The following MEMO1 variants were observed in gnomAD, a reference collection of about 807,000 sequenced individuals.
MEMO1 encodes the protein mediator of cell motility 1.
Under a neutral mutation model 45.2 loss-of-function variants are expected in MEMO1, and 6 were observed. That is an observed-to-expected ratio of 0.13 (90% CI 0.07 to 0.26). MEMO1 has a LOEUF of 0.26. Among genes scored for constraint, MEMO1 ranks in the 10% least tolerant of loss-of-function variants. MEMO1 has a pLI of 1.00. For missense variants in MEMO1, 184 were observed against 370.5 expected (o/e 0.50, Z 4.13); for synonymous variants, 78 against 124.3 (o/e 0.63, Z 2.48).
chr2:31,896,715 T>C (rs757316931), intron 6 of MEMO1, among the ~76,000 whole-genome samples: 3 of 152,110 alleles, frequency 2.0e-5, no homozygotes, highest in Admixed American at 6.5e-5. Context: ...ATTAAGAAAA[T>C]GAAAACTCAA....
intron 2 of MEMO1, among the ~76,000 whole-genome samples, chr2:31,955,888 G>A (rs979650007): frequency 2.0e-5 from 3 of 152,138 alleles, no homozygotes; most frequent in South Asian, 2.1e-4. Context: ...TAGTACAGGC[G>A]TGAGCCACCA....
intron 2 of MEMO1, 56 bp from the exon 3 acceptor site, chr2:31,943,439 CAT>C (rs1665846425): frequency 1.6e-6 from 2 of 1,248,546 alleles, no homozygotes; most frequent in African/African-American, 1.5e-5. Context: ...TACAGATAAA[CAT>C]ATGTGGCATA....
intron 4 of MEMO1, among the ~76,000 whole-genome samples, chr2:31,925,841 G>C (rs1417021928): frequency 6.6e-6 from 1 of 152,010 alleles, no homozygotes; most frequent in Non-Finnish European, 1.5e-5. Flanking sequence ...ATTAAATCTT[G>C]ACTCTCGAGT....
chr2:31,988,960 A>G (rs1382961048), intron 2 of MEMO1, among the ~76,000 whole-genome samples: 1 of 152,004 alleles, frequency 6.6e-6, no homozygotes, highest in African/African-American at 2.4e-5. Context: ...TAATCCCAGC[A>G]CTTTGAGAGG....
At chr2:31,931,758 C>T (rs993488982) in intron 4 of MEMO1, among the ~76,000 whole-genome samples, 9 of 152,052 alleles carry the variant, frequency 5.9e-5, no homozygotes, top group Non-Finnish European at 7.4e-5. Context: ...GATCAGAGGG[C>T]TTTGCATTTT....
At chr2:31,970,351 C>T (rs1356306532) in intron 2 of MEMO1, among the ~76,000 whole-genome samples, 2 of 152,140 alleles carry the variant, frequency 1.3e-5, no homozygotes, top group Non-Finnish European at 2.9e-5. Context: ...ACGTTTGCTA[C>T]AGTAATCTTA....
intron 8 of MEMO1, among the ~76,000 whole-genome samples, chr2:31,882,110 C>T (rs193265004): frequency 1.3e-5 from 2 of 151,856 alleles, no homozygotes; most frequent in Admixed American, 6.6e-5. Context: ...CACCACTGCA[C>T]GCCAGCCTGG....
chr2:31,948,335 T>C (rs939490039), intron 2 of MEMO1, among the ~76,000 whole-genome samples: 2 of 152,190 alleles, frequency 1.3e-5, no homozygotes, highest in African/African-American at 4.8e-5. Flanking sequence ...GCCACAACTT[T>C]TTCCATTTTT....
At chr2:31,938,225 G>C (rs1356215641) in intron 3 of MEMO1, among the ~76,000 whole-genome samples, 1 of 151,908 alleles carries the variant, frequency 6.6e-6, no homozygotes, top group Non-Finnish European at 1.5e-5. Flanking sequence ...ATATAAAAAT[G>C]AACAATATTT....
chr2:31,954,609 G>A (rs1473744769), intron 2 of MEMO1, among the ~76,000 whole-genome samples: 1 of 152,144 alleles, frequency 6.6e-6, no homozygotes, highest in African/African-American at 2.4e-5. Context: ...GAGGCAGGCG[G>A]ATCATCTGAA....
Position 31,869,971 on chromosome 2 carries a change from A to C in MEMO1, c.658-19T>G. 1 of 1,392,226 alleles carries C rather than the reference A, an allele frequency of 7.2e-7. No homozygotes were observed. The highest frequency in any genetic ancestry group is 1.6e-5 in the South Asian group (1 of 64,428). The allele number at this position is 1,392,226 out of a possible 1,614,324, so 86.2% of individuals were successfully genotyped here. ...TCATACCCTAAAAAAAAAAAAAAAG[A>C]AGAGGAAGAAAAAAATAAAAGAAGA... On this transcript the variant is annotated intron_variant, in intron 8 of 9. Transcript: ENST00000404530.
chr2:31,901,773 G>C (rs1444002293), intron 6 of MEMO1, among the ~76,000 whole-genome samples: 1 of 151,862 alleles, frequency 6.6e-6, no homozygotes, highest in East Asian at 1.9e-4. Context: ...GCTGGGCGTG[G>C]TGGCGTGCAC....
chr2:31,993,843 A>AT (rs1437938380), intron 2 of MEMO1, among the ~76,000 whole-genome samples: 1 of 150,514 alleles, frequency 6.6e-6, no homozygotes, highest in Non-Finnish European at 1.5e-5. Context: ...AAACTATCCT[A>AT]TTTTTTATCC....
chr2:31,939,462 T>G (rs1206794893), intron 3 of MEMO1, among the ~76,000 whole-genome samples: 1 of 152,170 alleles, frequency 6.6e-6, no homozygotes, highest in Non-Finnish European at 1.5e-5. Flanking sequence ...TATTCCAATT[T>G]AAAATTAATT....
At chr2:31,954,379 T>A (rs989728971) in intron 2 of MEMO1, among the ~76,000 whole-genome samples, 2 of 152,146 alleles carry the variant, frequency 1.3e-5, no homozygotes, top group Non-Finnish European at 2.9e-5. Flanking sequence ...AAGCCAGAAG[T>A]TCGTGACCAG....
chr2:31,939,866 T>TA (rs1368457824), intron 3 of MEMO1, among the ~76,000 whole-genome samples: 1 of 152,198 alleles, frequency 6.6e-6, no homozygotes, highest in African/African-American at 2.4e-5. Context: ...TATCTATACT[T>TA]ACGTCTTCAT....
chr2:32,000,981 T>G (rs367702235), intron 2 of MEMO1, among the ~76,000 whole-genome samples: 5 of 152,178 alleles, frequency 3.3e-5, no homozygotes, highest in African/African-American at 1.2e-4. Flanking sequence ...TCGTTCAATA[T>G]TGAATTGCTG....
intron 6 of MEMO1, among the ~76,000 whole-genome samples, chr2:31,910,253 G>C (rs537363779): frequency 2.2e-4 from 34 of 152,200 alleles, no homozygotes; most frequent in Admixed American, 3.9e-4. Context: ...TGCCTTGCAA[G>C]AAATGTTAAA....
chr2:31,977,961 C>T (rs1370383311), intron 2 of MEMO1, among the ~76,000 whole-genome samples: 2 of 152,092 alleles, frequency 1.3e-5, no homozygotes, highest in Non-Finnish European at 2.9e-5. Context: ...AAAACTTATG[C>T]TTTATTAAAA....
Sources: gnomAD v4.1 joint callset for allele counts (sites outside exome capture counted in the v4.1 genomes callset) on GRCh38, gnomAD v4.1.1 for gene constraint, MANE v1.5 for transcripts, NCBI Gene and HGNC (gene_info 2026-07-23, HGNC 2026-07-21) for gene names.